The following MED13L variants were observed in gnomAD, a reference collection of about 807,000 sequenced individuals.
MED13L encodes mediator of RNA polymerase II transcription subunit 13-like.
Under a neutral mutation model 220.9 loss-of-function variants are expected in MED13L, and 7 were observed. That is an observed-to-expected ratio of 0.03 (90% CI 0.02 to 0.06). The LOEUF (loss-of-function observed/expected upper bound fraction) is 0.06, where lower values mean the gene tolerates loss of function less well. Ranked by LOEUF, MED13L falls within the 10% of genes least tolerant of loss-of-function variation. MED13L has a pLI of 1.00. For synonymous variants in MED13L, 1,011 were observed against 1,015.2 expected (o/e 1.00, Z 0.08); for missense variants, 1,965 against 2,760.5 (o/e 0.71, Z 6.46).
intron 1 of MED13L, among the ~76,000 whole-genome samples, chr12:116,259,388 C>A (rs1383030863): frequency 1.3e-5 from 2 of 152,046 alleles, no homozygotes; most frequent in African/African-American, 2.4e-5. Flanking sequence ...GGGAACATAA[C>A]ATTAAAGGCA....
At position 116,080,793 on chromosome 12, in the gene MED13L, G is replaced by A. The variant is rs951446717; in HGVS notation, c.479+15876C>T. ...ATACATCCTGTTAACAAGCAACTGC[G>A]GCTATTTAAGAATAAATTTTATTGT... On this transcript the variant is annotated intron_variant, in intron 4 of 30. Coordinates refer to ENST00000281928, the MANE Select transcript of MED13L (RefSeq NM_015335.5). 3.3e-5 allele frequency among the ~76,000 whole-genome samples: 5 copies of A among 152,134 alleles called. 1 individual carries two copies. The highest frequency in any genetic ancestry group is 7.3e-5 in the Non-Finnish European group (5 of 68,032).
chr12:116,196,365 G>C (rs4767387), intron 2 of MED13L, among the ~76,000 whole-genome samples: 22,643 of 151,374 alleles, frequency 0.15, 3,073 homozygotes, highest in East Asian at 0.39. Context: ...GGGCCAATAA[G>C]TAAGGTGCAA....
At chr12:116,101,478 G>C (rs1392510979) in intron 3 of MED13L, among the ~76,000 whole-genome samples, 1 of 152,032 alleles carries the variant, frequency 6.6e-6, no homozygotes, top group African/African-American at 2.4e-5. Context: ...GGGTAGTCTT[G>C]TACTGTTATT....
chr12:116,093,784 T>G (rs1872442500), intron 4 of MED13L, among the ~76,000 whole-genome samples: 1 of 152,156 alleles, frequency 6.6e-6, no homozygotes, highest in Non-Finnish European at 1.5e-5. Context: ...ACATTTAATT[T>G]GTTTAGCACT....
rs113798812 is a variant in MED13L, at chr12:116,241,038, G to C, written c.73-3333C>G. The stretch of plus-strand genomic sequence containing the variant: ...AAAACACACCAATAGGCCAGGCGCA[G>C]TGGCTCACGCCTGTAATCCCAGCAT... On this transcript the variant is annotated intron_variant, in intron 1 of 30. Transcript: ENST00000281928. Among the ~76,000 whole-genome samples, 1,240 of 152,044 alleles carry C rather than the reference G, an allele frequency of 8.2e-3. 24 individuals are homozygous for C. Among genetic ancestry groups the C allele is most frequent in the African/African-American group, 0.028 (1,171 of 41,488 alleles).
chr12:116,130,744 A>G (rs1188067732), intron 2 of MED13L, among the ~76,000 whole-genome samples: 1 of 152,204 alleles, frequency 6.6e-6, no homozygotes, highest in Admixed American at 6.5e-5. Context: ...AATGCAAGCA[A>G]TACTGGCATT....
chr12:115,968,114 G>A (rs1876328577), intron 28 of MED13L, among the ~76,000 whole-genome samples: 1 of 125,828 alleles, frequency 7.9e-6, no homozygotes, highest in Non-Finnish European at 1.6e-5. Flanking sequence ...CTAAATAAAT[G>A]AGTGTGAGCA....
chr12:116,077,882 GT>G (rs1353823053), intron 4 of MED13L, among the ~76,000 whole-genome samples: 10 of 152,196 alleles, frequency 6.6e-5, no homozygotes, highest in African/African-American at 2.4e-4. Context: ...GCCGGGCACT[GT>G]GGCTCACGCC....
At chr12:116,231,416 A>G (rs1158251918) in intron 2 of MED13L, among the ~76,000 whole-genome samples, 4 of 152,192 alleles carry the variant, frequency 2.6e-5, no homozygotes, top group Admixed American at 6.5e-5. Context: ...TAACTGTAAG[A>G]AAACAATTAG....
chr12:116,072,643 G>A (rs1870476737), intron 4 of MED13L, among the ~76,000 whole-genome samples: 1 of 152,086 alleles, frequency 6.6e-6, no homozygotes, highest in African/African-American at 2.4e-5. Flanking sequence ...GTAGAGACAG[G>A]GTTTCACACC....
chr12:116,015,117 G>C lies in MED13L; in HGVS notation c.1167C>G (p.Thr389=). ...TAATCGAGAAAACTTACTTGGACTG[G>C]GTTCTGTTGAGGATGCATTCCTTCC... ...RVWKECILNR[T]QSKRSQMSTP... Residue 389 remains threonine, a synonymous_variant, in exon 8 of 31, where the codon ACC becomes ACG. Transcript: ENST00000281928. 6.2e-7 allele frequency: 1 copy of C among 1,613,412 alleles called. No individual in the cohort carries two copies. The highest frequency in any genetic ancestry group is 8.5e-7 in the Non-Finnish European group (1 of 1,179,484).
chr12:116,009,173 A>G (rs1879239188), intron 9 of MED13L, 41 bp from the exon 10 acceptor site: 1 of 1,610,670 alleles, frequency 6.2e-7, no homozygotes, highest in Non-Finnish European at 8.5e-7. Context: ...TAACATTAAG[A>G]AAAGAGATTC....
intron 1 of MED13L, among the ~76,000 whole-genome samples, chr12:116,273,266 T>G (rs1470949379): frequency 6.6e-6 from 1 of 151,970 alleles, no homozygotes; most frequent in Non-Finnish European, 1.5e-5. Flanking sequence ...ATGGCACCTT[T>G]GCACTCCAGC....
intron 25 of MED13L, among the ~76,000 whole-genome samples, chr12:115,973,379 A>G (rs1876718055): frequency 6.6e-6 from 1 of 152,218 alleles, no homozygotes; most frequent in Non-Finnish European, 1.5e-5. Context: ...GTAGATTAGT[A>G]AACAGATTTC....
chr12:116,107,264 G>C (rs1873668533), intron 3 of MED13L, among the ~76,000 whole-genome samples: 1 of 152,224 alleles, frequency 6.6e-6, no homozygotes, highest in African/African-American at 2.4e-5. Flanking sequence ...ATGCTCTTGA[G>C]TAAGTAGCAG....
intron 2 of MED13L, among the ~76,000 whole-genome samples, chr12:116,116,285 T>A (rs1043777098): frequency 6.6e-6 from 1 of 152,042 alleles, no homozygotes; most frequent in Non-Finnish European, 1.5e-5. Context: ...GTTGAGTTGA[T>A]CACTAATGGA....
chr12:116,265,584 CT>C (rs529724309), intron 1 of MED13L, among the ~76,000 whole-genome samples: 109 of 152,314 alleles, frequency 7.2e-4, no homozygotes, highest in Admixed American at 4.7e-3. Context: ...ATATTTGTCA[CT>C]TTAGTCATTA....
At chr12:116,027,640 T>C (rs538454453) in intron 4 of MED13L, among the ~76,000 whole-genome samples, 86 of 152,126 alleles carry the variant, frequency 5.7e-4, no homozygotes, top group Non-Finnish European at 1.2e-3. Context: ...ACCAGAGGAG[T>C]GCTCTAGAGA....
chr12:116,186,415 G>A (rs1251997577), intron 2 of MED13L, among the ~76,000 whole-genome samples: 2 of 152,286 alleles, frequency 1.3e-5, no homozygotes, highest in East Asian at 3.9e-4. Context: ...CAAAACACCT[G>A]AAGTTCTATA....
Sources: gnomAD v4.1 joint callset for allele counts (sites outside exome capture counted in the v4.1 genomes callset) on GRCh38, gnomAD v4.1.1 for gene constraint, MANE v1.5 for transcripts, NCBI Gene and HGNC (gene_info 2026-07-23, HGNC 2026-07-21) for gene names.